The following RHOA variants were observed in gnomAD, a reference collection of about 807,000 sequenced individuals.
RHOA encodes ras homolog family member A, also known as transforming protein RhoA.
In RHOA, 3 loss-of-function variants were observed where a neutral mutation model predicts 17.5. That is an observed-to-expected ratio of 0.17 (90% CI 0.08 to 0.44). The LOEUF (loss-of-function observed/expected upper bound fraction) is 0.44. Ranked by LOEUF, RHOA falls within the 20% of genes least tolerant of loss-of-function variation. The probability of loss-of-function intolerance (pLI) is 0.99; values close to 1 mark genes in which losing one functional copy is unlikely to be tolerated. For missense variants in RHOA, 56 were observed against 242.3 expected (o/e 0.23, Z 5.10); for synonymous variants, 98 against 88.4 (o/e 1.11, Z -0.61).
intron 3 of RHOA, among the ~76,000 whole-genome samples, chr3:49,363,807 G>A (rs1469882422): frequency 2.6e-5 from 4 of 151,952 alleles, no homozygotes; most frequent in Admixed American, 2.6e-4. Flanking sequence ...AGTCGAGATC[G>A]CAATACTACA....
intron 1 of RHOA, among the ~76,000 whole-genome samples, chr3:49,386,043 T>C (rs1199398105): frequency 6.6e-6 from 1 of 152,168 alleles, no homozygotes; most frequent in Non-Finnish European, 1.5e-5. Flanking sequence ...TCCAAGATTA[T>C]TTTGGTTATT....
At chr3:49,399,894 T>C (rs1449413877) in intron 1 of RHOA, among the ~76,000 whole-genome samples, 2 of 152,008 alleles carry the variant, frequency 1.3e-5, no homozygotes, top group African/African-American at 2.4e-5. Flanking sequence ...GCAATACATA[T>C]GCAAAAATCC....
At chr3:49,384,415 T>A (rs1272167339) in intron 1 of RHOA, among the ~76,000 whole-genome samples, 2 of 152,214 alleles carry the variant, frequency 1.3e-5, no homozygotes, top group Admixed American at 6.5e-5. Flanking sequence ...AAATAACTTA[T>A]AAGTTTGGAG....
intron 2 of RHOA, among the ~76,000 whole-genome samples, chr3:49,369,046 A>G: frequency 1.3e-5 from 1 of 77,518 alleles, no homozygotes; most frequent in South Asian, 4.8e-4. Context: ...TTTTGTTGAG[A>G]CGGAGTCTTA....
chr3:49,390,607 G>A (rs1049737211), intron 1 of RHOA, among the ~76,000 whole-genome samples: 1 of 152,132 alleles, frequency 6.6e-6, no homozygotes, highest in Non-Finnish European at 1.5e-5. Context: ...ATGCTAGCCA[G>A]TTTGAACCAG....
At chr3:49,396,023 AG>A (rs2048609518) in intron 1 of RHOA, among the ~76,000 whole-genome samples, 1 of 152,170 alleles carries the variant, frequency 6.6e-6, no homozygotes, top group Non-Finnish European at 1.5e-5. Context: ...ACCAACACAA[AG>A]GAAGTGGTGG....
chr3:49,408,524 G>A (rs2048878265), intron 1 of RHOA, among the ~76,000 whole-genome samples: 1 of 152,078 alleles, frequency 6.6e-6, no homozygotes, highest in Non-Finnish European at 1.5e-5. Flanking sequence ...CATGACTATC[G>A]TAATTATGAA....
chr3:49,376,943 A>ACC (rs2048237659), intron 1 of RHOA, among the ~76,000 whole-genome samples: 4 of 151,946 alleles, frequency 2.6e-5, no homozygotes, highest in African/African-American at 7.3e-5. Context: ...AGCCTGGCCA[A>ACC]CATGGAGAAA....
At chr3:49,364,901 G>A (rs2048029665) in intron 3 of RHOA, among the ~76,000 whole-genome samples, 1 of 151,748 alleles carries the variant, frequency 6.6e-6, no homozygotes, top group South Asian at 2.1e-4. Context: ...GAACCCGGGA[G>A]GCGGAGTGCA....
At position 49,398,757 on chromosome 3, in the gene RHOA, G is replaced by A. The variant is rs1162253598; in HGVS notation, c.-3+13063C>T. Among the ~76,000 whole-genome samples, 11 of 145,180 alleles carry A rather than the reference G, an allele frequency of 7.6e-5. No individual in the cohort carries two copies. The South Asian group carries it at 9.0e-4, about 12-fold the overall frequency. ...CTGGAGGCTGAGGCAGGAGAACGGC[G>A]TGAACCCGGGAGGCAGAGCTTGCAG... On this transcript the variant is annotated intron_variant, in intron 1 of 4. Coordinates refer to ENST00000418115, the MANE Select transcript of RHOA (RefSeq NM_001664.4).
intron 1 of RHOA, chr3:49,406,927 G>A (rs1317240720): frequency 1.3e-5 from 2 of 152,258 alleles, no homozygotes; most frequent in Middle Eastern, 3.4e-3. Flanking sequence ...ACGGGGTCAC[G>A]AGGTCAAGAG....
At chr3:49,386,618 T>C (rs1377554564) in intron 1 of RHOA, among the ~76,000 whole-genome samples, 1 of 152,178 alleles carries the variant, frequency 6.6e-6, no homozygotes, top group Non-Finnish European at 1.5e-5. Context: ...TCAAGAGAAG[T>C]GATTCTACAG....
intron 2 of RHOA, among the ~76,000 whole-genome samples, chr3:49,369,518 A>AGCTC (rs2048117426): frequency 6.6e-6 from 1 of 150,818 alleles, no homozygotes; most frequent in South Asian, 2.1e-4. Context: ...TGACTGCCTG[A>AGCTC]GCTCAGGAGT....
At chr3:49,362,199 G>A (rs538397434) in intron 4 of RHOA, among the ~76,000 whole-genome samples, 3 of 152,060 alleles carry the variant, frequency 2.0e-5, no homozygotes, top group Admixed American at 2.0e-4. Context: ...AAAAAAGAAA[G>A]TTCCTACATC....
intron 1 of RHOA, among the ~76,000 whole-genome samples, chr3:49,386,369 G>A (rs894303923): frequency 6.6e-6 from 1 of 152,152 alleles, no homozygotes; most frequent in African/African-American, 2.4e-5. Context: ...ATAAGAAACA[G>A]CTAACAAATA....
intron 2 of RHOA, among the ~76,000 whole-genome samples, chr3:49,370,302 A>C (rs2048129659): frequency 1.3e-5 from 2 of 152,218 alleles, no homozygotes; most frequent in Admixed American, 6.5e-5. Flanking sequence ...GGCATAATTC[A>C]AAATGTCAAG....
rs1575637965 is a variant in RHOA at position 49,360,020 on chromosome 3, C to G, written c.*189G>C. ...CTGTTAGAGCAGTGTCAAAAGGACC[C>G]TGGTGGGCCAGACGGGTTGGACATC... On this transcript the variant is annotated 3_prime_UTR_variant, in exon 5 of 5. Coordinates refer to ENST00000418115, the MANE Select transcript of RHOA (RefSeq NM_001664.4). 7.3e-5 allele frequency: 44 copies of G among 606,084 alleles called. No homozygotes were observed. In the East Asian group the frequency reaches 1.3e-3, roughly 19 times the overall value. The allele number at this position is 606,084 out of a possible 1,614,324, so 37.5% of individuals were successfully genotyped here.
chr3:49,400,303 C>T (rs1476523205), intron 1 of RHOA, among the ~76,000 whole-genome samples: 1 of 150,970 alleles, frequency 6.6e-6, no homozygotes, highest in Admixed American at 6.6e-5. Flanking sequence ...AAACTGGCCA[C>T]CCCCCACCAC....
At chr3:49,363,563 CCAT>C (rs2048006727) in intron 3 of RHOA, among the ~76,000 whole-genome samples, 1 of 151,054 alleles carries the variant, frequency 6.6e-6, no homozygotes, top group African/African-American at 2.4e-5. Flanking sequence ...TGGCTAAACC[CCAT>C]CTCCAGACAG....
Sources: allele counts gnomAD v4.1 joint callset (sites outside exome capture counted in the v4.1 genomes callset), GRCh38; gene constraint gnomAD v4.1.1; transcripts MANE v1.5; gene names NCBI Gene and HGNC (gene_info 2026-07-23, HGNC 2026-07-21).